The following ADAM8 variants were observed in gnomAD, a reference collection of about 807,000 sequenced individuals.
The protein encoded by ADAM8 is disintegrin and metalloproteinase domain-containing protein 8.
ADAM8 carries 104 observed loss-of-function variants against 102.4 expected under a neutral mutation model. The ratio of observed to expected loss-of-function variants is 1.02; its 90% CI spans 0.87 to 1.20. The LOEUF (loss-of-function observed/expected upper bound fraction) is 1.20. ADAM8 is among the 50% of genes most tolerant of loss of function. The probability of loss-of-function intolerance (pLI) is 0.00; values close to 1 mark genes in which losing one functional copy is unlikely to be tolerated. For missense variants in ADAM8, 1,132 were observed against 1,159.0 expected (o/e 0.98, Z 0.34); for synonymous variants, 517 against 485.2 (o/e 1.07, Z -0.86).
At chr10:133,270,090 T>A in intron 16 of ADAM8, 116 bp from the exon 17 acceptor site, 1 of 1,278,502 alleles carries the variant, frequency 7.8e-7, no homozygotes, top group Non-Finnish European at 1.1e-6. Context: ...AAGGTGGCTG[T>A]GCTTCAGCCC....
At chr10:133,272,919 C>A (rs541030174) in intron 7 of ADAM8, 38 bp downstream of exon 7, 4 of 1,612,004 alleles carry the variant, frequency 2.5e-6, no homozygotes, top group East Asian at 2.2e-5. Flanking sequence ...ATGCCCCCGC[C>A]GCCGGCTGCT....
Position 133,271,795 on chromosome 10 carries a change from G to GGCC in ADAM8, c.1106+8_1106+10dup, listed in dbSNP as rs1231922637. 2 of 1,608,662 alleles carry GGCC rather than the reference G, an allele frequency of 1.2e-6. No individual in the cohort carries two copies. Among genetic ancestry groups the GGCC allele is most frequent in the Admixed American group, 1.7e-5 (1 of 59,838 alleles). On this transcript the variant is annotated intron_variant, in intron 11 of 22. Transcript: ENST00000445355. ...AGCATACCCTGGCTCTGCAGGGCCT[G>GGCC]GCCGCCTCACCCAATGCTGCCCGCC... is the stretch of plus-strand genomic sequence containing the variant.
At chr10:133,268,469 C>A (rs1846403690) in intron 19 of ADAM8, among the ~76,000 whole-genome samples, 1 of 152,194 alleles carries the variant, frequency 6.6e-6, no homozygotes, top group African/African-American at 2.4e-5. Context: ...ATGGGGGACC[C>A]CACCGGGCCT....
intron 21 of ADAM8, 33 bp downstream of exon 21, chr10:133,267,319 A>T: frequency 6.3e-7 from 1 of 1,589,582 alleles, no homozygotes; most frequent in Non-Finnish European, 8.6e-7. Context: ...GGACACCCTC[A>T]GAAGGCTTGG....
In ADAM8 at chr10:133,263,715, A is replaced by G. The variant is rs775561840; in HGVS notation, c.2370T>C (p.Ala790=). The G allele has an allele frequency of 7.1e-6, 11 of 1,549,996 alleles. No individual in the cohort carries two copies. The highest frequency in any genetic ancestry group is 9.6e-6 in the Non-Finnish European group (11 of 1,148,324). The change falls in exon 22 of 23, where the codon GCT becomes GCC. Residue 790 remains alanine (A), a synonymous_variant. Coordinates refer to ENST00000445355, the MANE Select transcript of ADAM8 (RefSeq NM_001109.5). Reference sequence around the variant, plus strand: ...CAGCTGGACCAGGGTTGGCCGCACCAGCCCCGGGTTTGACTGGGGGCACTG... The same window carrying G: ...CAGCTGGACCAGGGTTGGCCGCACCGGCCCCGGGTTTGACTGGGGGCACTG... ...APPVPPVKPG[A]GAANPGPAEG...
chr10:133,273,066 C>A, intron 6 of ADAM8, 47 bp from the exon 7 acceptor site: 1 of 1,611,054 alleles, frequency 6.2e-7, no homozygotes. Flanking sequence ...AGCGCCGGGG[C>A]CTGGACCCTC....
At chr10:133,267,800 C>G in intron 20 of ADAM8, 129 bp downstream of exon 20, 1 of 1,012,284 alleles carries the variant, frequency 9.9e-7, no homozygotes, top group Non-Finnish European at 1.3e-6. Context: ...CTCTGGGCCT[C>G]GGGGCCACCG....
At chr10:133,267,222 A>C (rs991076809) in intron 21 of ADAM8, 130 bp downstream of exon 21, 12 of 1,051,776 alleles carry the variant, frequency 1.1e-5, no homozygotes, top group Non-Finnish European at 1.7e-5. Context: ...AGGTCGGGCT[A>C]ACCAGCCTTC....
Position 133,271,957 on chromosome 10 carries a change from G to A in ADAM8, c.958-3C>T. On this transcript the variant is annotated splice_polypyrimidine_tract_variant and splice_region_variant and intron_variant, in intron 10 of 22. Coordinates refer to ENST00000445355, the MANE Select transcript of ADAM8 (RefSeq NM_001109.5). ...CCCACGGGGTTCTTGCTGTGGTCCT[G>A]CAGGAGGGTCTGTGCTCTCAGGAAC... 1.2e-6 allele frequency: 2 copies of A among 1,609,660 alleles called. No homozygotes were observed. The highest frequency in any genetic ancestry group is 1.7e-6 in the Non-Finnish European group (2 of 1,177,426).
Position 133,270,791 on chromosome 10 carries a change from C to A in ADAM8, c.1579G>T (p.Glu527Ter). Residue 527 changes from glutamate (E) to a stop codon, truncating the protein, a stop_gained, in exon 15 of 23, where the codon GAG (glutamate) becomes TAG (stop). Coordinates refer to ENST00000445355, the MANE Select transcript of ADAM8 (RefSeq NM_001109.5). LOFTEE classifies it high-confidence loss of function. ...ATGTCATAGGAGAAGCAGGACTCCT[C>A]GGCAGCCTGCCCACCTGTGGGACCA... ...AFWGPGGQAA[E>*]ESCFSYDILP... 1 of 1,606,410 alleles carries A rather than the reference C, an allele frequency of 6.2e-7. No homozygotes were observed.
chr10:133,271,840 C>T lies in ADAM8; in HGVS notation c.1072G>A (p.Glu358Lys), dbSNP rs200268422. Residue 358 changes from glutamate (E) to lysine (K), a missense_variant, in exon 11 of 23, where the codon GAG (glutamate) becomes AAG (lysine). Glu to Lys is a moderately conservative substitution (Grantham distance 56). Coordinates refer to ENST00000445355, the MANE Select transcript of ADAM8 (RefSeq NM_001109.5). ...VQGCRCQERFEAGRCIMAGSI... is the reference protein window; with the variant it reads ...VQGCRCQERFKAGRCIMAGSI... ...CCCGCCATGATGCAGCGGCCGGCCTCGAAGCGTTCCTGGCAGCGGCAGCCC... is the reference window on the plus strand; with the variant it reads ...CCCGCCATGATGCAGCGGCCGGCCTTGAAGCGTTCCTGGCAGCGGCAGCCC... The T allele has an allele frequency of 3.7e-5, 59 of 1,612,430 alleles. No individual in the cohort carries two copies. In the African/African-American group the frequency reaches 5.6e-4, roughly 15 times the overall value.
Position 133,271,587 on chromosome 10 carries a change from G to T in ADAM8, c.1225C>A (p.Pro409Thr), listed in dbSNP as rs756630015. The T allele has an allele frequency of 1.9e-6, 3 of 1,558,380 alleles. No homozygotes were observed. The Admixed American group carries it at 5.9e-5, about 30-fold the overall frequency. The change falls in exon 12 of 23, where the codon CCC becomes ACC. Residue 409 changes from proline (P) to threonine (T), a missense_variant. Transcript: ENST00000445355. Reference protein sequence around the residue: ...APDLSHLVGGPVCGNLFVERG... With the variant: ...APDLSHLVGGTVCGNLFVERG... ...TCCACAAACAGGTTCCCACACACGG[G>T]GCCGCCCACCAGGTGGCTGAGGTCA...
rs1455478477 is a variant in ADAM8 at position 133,273,759 on chromosome 10, CACCT to C, written c.382_383+2del. 1 of 1,548,098 alleles carries C rather than the reference CACCT, an allele frequency of 6.5e-7. No homozygotes were observed. The highest frequency in any genetic ancestry group is 1.4e-5 in the African/African-American group (1 of 73,002). ...AGCCCTGGCGTTCGTCCGCCACACC[CACCT>C]GAGGCCGGCACAGGTGCTGAGGCTG... is the stretch of plus-strand genomic sequence containing the variant. On this transcript the variant is annotated splice_donor_variant and coding_sequence_variant, in exon 5 of 23. Transcript: ENST00000445355. LOFTEE classifies it high-confidence loss of function.
chr10:133,271,259 TGGTA>T lies in ADAM8; in HGVS notation c.1311_1314del (p.Thr438ProfsTer21), dbSNP rs1020426306. 9 of 1,610,880 alleles carry T rather than the reference TGGTA, an allele frequency of 5.6e-6. No individual in the cohort carries two copies. The African/African-American group carries it at 1.2e-4, about 22-fold the overall frequency. On this transcript the variant is annotated frameshift_variant, in exon 13 of 23. Transcript: ENST00000445355. LOFTEE classifies it high-confidence loss of function. Reference sequence around the variant, plus strand: ...TGGGCCCCCTCAGCCAGCTGGCAGGTGGTAGAGTTGCAGCAGCGGTTCCGGCAGT... The same window carrying T: ...TGGGCCCCCTCAGCCAGCTGGCAGGTGAGTTGCAGCAGCGGTTCCGGCAGT...
chr10:133,272,369 G>A (rs747360554), intron 9 of ADAM8, 47 bp downstream of exon 9: 100 of 198,080 alleles, frequency 5.0e-4, no homozygotes, highest in South Asian at 4.9e-3. Flanking sequence ...CACCCTGCCC[G>A]CCCTCCCTCC....
Position 133,269,594 on chromosome 10 carries a change from C to T in ADAM8, c.1864-65G>A, listed in dbSNP as rs919719983. 19 of 1,451,116 alleles carry T rather than the reference C, an allele frequency of 1.3e-5. No homozygotes were observed. The Admixed American group carries it at 1.6e-4, about 13-fold the overall frequency. The allele number at this position is 1,451,116 out of a possible 1,614,324, so 89.9% of individuals were successfully genotyped here. ...ACCCCAAGGGGCCGTGGGGGCCGTG[C>T]CTCCAGCATGAGGGCCCCGGGCCAG... On this transcript the variant is annotated intron_variant, in intron 17 of 22. Transcript: ENST00000445355.
At chr10:133,269,365 C>T in intron 18 of ADAM8, 80 bp downstream of exon 18, 1 of 1,376,386 alleles carries the variant, frequency 7.3e-7, no homozygotes, top group East Asian at 2.6e-5. Context: ...GCTTCCCGGG[C>T]CCGCGGCTTC....
chr10:133,272,324 T>TTGCC, intron 9 of ADAM8, 50 bp from the exon 10 acceptor site: 2 of 1,430,746 alleles, frequency 1.4e-6, no homozygotes, highest in African/African-American at 1.4e-5. Context: ...CCTCCCCACT[T>TTGCC]CCCTCCCACC....
At chr10:133,272,308 C>CTTCCAGG in intron 9 of ADAM8, 34 bp from the exon 10 acceptor site, 1 of 1,492,774 alleles carries the variant, frequency 6.7e-7, no homozygotes, top group Non-Finnish European at 9.0e-7. Context: ...GCCCTGGACA[C>CTTCCAGG]GGCTCCCTCC....
Sources: gnomAD v4.1 joint callset for allele counts (sites outside exome capture counted in the v4.1 genomes callset) on GRCh38, gnomAD v4.1.1 for gene constraint, MANE v1.5 for transcripts, NCBI Gene and HGNC (gene_info 2026-07-23, HGNC 2026-07-21) for gene names.